The following FNIP2 variants were observed in gnomAD, a reference collection of about 807,000 sequenced individuals.
The protein encoded by FNIP2 is folliculin-interacting protein 2.
In FNIP2, 32 loss-of-function variants were observed where a neutral mutation model predicts 108.7. That is an observed-to-expected ratio of 0.29 (90% CI 0.22 to 0.40). The LOEUF is 0.40. Ranked by LOEUF, FNIP2 falls within the 10% of genes least tolerant of loss-of-function variation. FNIP2 has a pLI of 1.00. For synonymous variants in FNIP2, 480 were observed against 496.7 expected (o/e 0.97, Z 0.45); for missense variants, 1,202 against 1,381.6 (o/e 0.87, Z 2.06).
intron 1 of FNIP2, among the ~76,000 whole-genome samples, chr4:158,785,148 C>A (rs1437392342): frequency 1.4e-5 from 2 of 138,656 alleles, no homozygotes; most frequent in Non-Finnish European, 3.0e-5. Flanking sequence ...TGCAGTGGCA[C>A]GATCTCAGTT....
At chr4:158,846,443 C>T (rs751251328) in intron 7 of FNIP2, among the ~76,000 whole-genome samples, 19 of 152,032 alleles carry the variant, frequency 1.2e-4, no homozygotes, top group African/African-American at 4.6e-4. Context: ...AGAGCTGACA[C>T]GTTAAGTAAA....
rs1779930932 is a variant in FNIP2 at position 158,855,434 on chromosome 4, A to G, written c.858-3623A>G. 2.6e-5 allele frequency among the ~76,000 whole-genome samples: 4 copies of G among 151,718 alleles called. 1 individual carries two copies. In the South Asian group the frequency reaches 8.3e-4, roughly 32 times the overall value. ...TGAGTGTGGCAGACGTTTTGAATTGATTACTGTGCCCGTGAAGATCCCTTT... is the reference window on the plus strand; with the variant it reads ...TGAGTGTGGCAGACGTTTTGAATTGGTTACTGTGCCCGTGAAGATCCCTTT... On this transcript the variant is annotated intron_variant, in intron 8 of 16. Coordinates refer to ENST00000264433, the MANE Select transcript of FNIP2 (RefSeq NM_020840.3).
At chr4:158,902,980 C>A (rs980667154) in intron 16 of FNIP2, among the ~76,000 whole-genome samples, 4 of 152,170 alleles carry the variant, frequency 2.6e-5, no homozygotes, top group African/African-American at 9.7e-5. Context: ...AGCCCCCTTT[C>A]CAGGGGAGTG....
chr4:158,809,887 TA>T (rs1442524514), intron 1 of FNIP2, among the ~76,000 whole-genome samples: 5 of 152,220 alleles, frequency 3.3e-5, no homozygotes, highest in Non-Finnish European at 7.3e-5. Context: ...TTAGATGAGA[TA>T]ATTCTATTAA....
In FNIP2 at chr4:158,904,556, G is replaced by C; in HGVS notation, c.*12G>C. 1.2e-6 allele frequency: 2 copies of C among 1,608,382 alleles called. No homozygotes were observed. Among genetic ancestry groups the C allele is most frequent in the Non-Finnish European group, 1.7e-6 (2 of 1,176,692 alleles). On this transcript the variant is annotated 3_prime_UTR_variant, in exon 17 of 17. Coordinates refer to ENST00000264433, the MANE Select transcript of FNIP2 (RefSeq NM_020840.3). ...AAATACTCTTATAAGCTAAAGCTCAGGACAGTTCTTCCTTGGAAGAAAAAA... is the reference window on the plus strand; with the variant it reads ...AAATACTCTTATAAGCTAAAGCTCACGACAGTTCTTCCTTGGAAGAAAAAA...
Position 158,785,278 on chromosome 4 carries a change from G to A in FNIP2, c.107+15959G>A, listed in dbSNP as rs186358815. The stretch of plus-strand genomic sequence containing the variant: ...TTTTGTATTTTTTAGTAGAGACGGG[G>A]TTTCATCTTGTTGGCCAGGATGGTC... On this transcript the variant is annotated intron_variant, in intron 1 of 16. Transcript: ENST00000264433. Among the ~76,000 whole-genome samples, 1,156 of 151,970 alleles carry A rather than the reference G, an allele frequency of 7.6e-3. 5 individuals carry two copies. Among genetic ancestry groups the A allele is most frequent in the Non-Finnish European group, 0.011 (763 of 67,948 alleles).
intron 1 of FNIP2, among the ~76,000 whole-genome samples, chr4:158,801,770 A>G (rs1168335457): frequency 6.6e-6 from 1 of 152,160 alleles, no homozygotes; most frequent in Non-Finnish European, 1.5e-5. Context: ...CTTAGCGCTG[A>G]GCTCGTCAGA....
rs368111730 is a variant in FNIP2 at position 158,806,239 on chromosome 4, G to A, written c.108-19677G>A. 76 of 1,289,244 alleles carry A rather than the reference G, an allele frequency of 5.9e-5. No homozygotes were observed. In the East Asian group the frequency reaches 8.9e-4, roughly 15 times the overall value. The allele number at this position is 1,289,244 out of a possible 1,614,324, so 79.9% of individuals were successfully genotyped here. ...GGATAAACCAGAAGAACATTAAACC[G>A]TTCAGGAGATGTGCGGCGGCACAGC... On this transcript the variant is annotated intron_variant, in intron 1 of 16. Transcript: ENST00000264433.
chr4:158,834,924 TAAAC>T (rs1369260346), intron 6 of FNIP2: 1 of 155,590 alleles, frequency 6.4e-6, no homozygotes. Context: ...GAGTGGGTTA[TAAAC>T]AGAGAAACAT....
intron 1 of FNIP2, among the ~76,000 whole-genome samples, chr4:158,822,626 T>G (rs548377756): frequency 6.6e-6 from 1 of 152,296 alleles, no homozygotes; most frequent in South Asian, 2.1e-4. Flanking sequence ...GCTTCCTAAG[T>G]AGCTGGGACT....
chr4:158,834,288 TTCTCTCTCTCTCTCTC>T (rs71587480), intron 6 of FNIP2: 5 of 63,220 alleles, frequency 7.9e-5, no homozygotes, highest in South Asian at 7.3e-4. Context: ...CATGGAAGAC[TTCTCTCTCTCTCTCTC>T]TCTCTCTCTC....
chr4:158,825,941 A>T lies in FNIP2; in HGVS notation c.133A>T (p.Asn45Tyr), dbSNP rs1277704327. ...TTGGTCATGTTCGGAGTTTGACCTGAATGAGATTCGCCTGATAGTTTACCA... is the reference window on the plus strand; with the variant it reads ...TTGGTCATGTTCGGAGTTTGACCTGTATGAGATTCGCCTGATAGTTTACCA... ...FSWSCSEFDL[N>Y]EIRLIVYQDC... The change falls in exon 2 of 17, where the codon AAT becomes TAT. Residue 45 changes from asparagine (N) to tyrosine (Y), a missense_variant. Transcript: ENST00000264433. 7 of 1,608,160 alleles carry T rather than the reference A, an allele frequency of 4.4e-6. No individual in the cohort carries two copies. Among genetic ancestry groups the T allele is most frequent in the Non-Finnish European group, 6.0e-6 (7 of 1,175,156 alleles).
intron 7 of FNIP2, chr4:158,836,481 T>A (rs1456559546): frequency 6.6e-6 from 1 of 152,030 alleles, no homozygotes; most frequent in Non-Finnish European, 1.5e-5. Context: ...TTCTGTAAAG[T>A]TGAGCTGGGA....
chr4:158,894,915 A>G lies in FNIP2; in HGVS notation c.3151-835A>G, dbSNP rs2126780367. On this transcript the variant is annotated intron_variant, in intron 15 of 16. Coordinates refer to ENST00000264433, the MANE Select transcript of FNIP2 (RefSeq NM_020840.3). ...CAGATGGTCAAGATCAACATTTTCA[A>G]ATGCATCTGTTAATCTTTTTACCTT... Among the ~76,000 whole-genome samples the G allele has an allele frequency of 3.9e-5, 6 of 152,322 alleles. 1 individual carries two copies. The South Asian group carries it at 1.2e-3, about 32-fold the overall frequency.
intron 1 of FNIP2, among the ~76,000 whole-genome samples, chr4:158,783,161 A>G (rs1190301618): frequency 6.6e-6 from 1 of 152,210 alleles, no homozygotes; most frequent in Non-Finnish European, 1.5e-5. Flanking sequence ...TAGCATGCTA[A>G]GCTAGCATGC....
At chr4:158,818,899 GC>G (rs1777723765) in intron 1 of FNIP2, among the ~76,000 whole-genome samples, 2 of 152,188 alleles carry the variant, frequency 1.3e-5, no homozygotes, top group Admixed American at 1.3e-4. Flanking sequence ...AGAGTTAGAA[GC>G]CCTGTTTACC....
In FNIP2 at chr4:158,861,715, C is replaced by T; in HGVS notation, c.1404C>T (p.Thr468=). The change falls in exon 12 of 17, where the codon ACC becomes ACT. Residue 468 remains threonine, a synonymous_variant. Coordinates refer to ENST00000264433, the MANE Select transcript of FNIP2 (RefSeq NM_020840.3). ...TCAAAGCCTTCTCAGAGAAACGTAC[C>T]TCCCAGTCAGTGAACATGCTGGCCA... ...PPIKAFSEKR[T]SQSVNMLAKT... The T allele has an allele frequency of 6.2e-7, 1 of 1,614,042 alleles. No homozygotes were observed.
chr4:158,777,861 T>C (rs1246783873), intron 1 of FNIP2, among the ~76,000 whole-genome samples: 1 of 152,214 alleles, frequency 6.6e-6, no homozygotes, highest in African/African-American at 2.4e-5. Flanking sequence ...TAAAAGTTCA[T>C]ATAAAATATG....
Position 158,781,280 on chromosome 4 carries a change from G to T in FNIP2, c.107+11961G>T, listed in dbSNP as rs144165380. Among the ~76,000 whole-genome samples, 337 of 152,266 alleles carry T rather than the reference G, an allele frequency of 2.2e-3. 2 individuals are homozygous for T. Among genetic ancestry groups the T allele is most frequent in the Middle Eastern group, 3.4e-3 (1 of 294 alleles). ...GAGCTAATAGGTAGAATTCATAGAG[G>T]TGAAAAACTTTTTACCTTAGAGGTG... On this transcript the variant is annotated intron_variant, in intron 1 of 16. Coordinates refer to ENST00000264433, the MANE Select transcript of FNIP2 (RefSeq NM_020840.3).
Sources: allele counts gnomAD v4.1 joint callset (sites outside exome capture counted in the v4.1 genomes callset), GRCh38; gene constraint gnomAD v4.1.1; transcripts MANE v1.5; gene names NCBI Gene and HGNC (gene_info 2026-07-23, HGNC 2026-07-21).